The following THUMPD1 variants were observed in gnomAD, a reference collection of about 807,000 sequenced individuals.
THUMPD1 encodes THUMP domain 1 NAT10 acetyltransferase adaptor, also known as THUMP domain-containing protein 1.
Under a neutral mutation model 31.6 loss-of-function variants are expected in THUMPD1, and 31 were observed. The ratio of observed to expected loss-of-function variants is 0.98; its 90% CI spans 0.74 to 1.32. The LOEUF (loss-of-function observed/expected upper bound fraction) is 1.32. THUMPD1 is among the 40% of genes most tolerant of loss of function. The probability of loss-of-function intolerance (pLI) is 0.00; values close to 1 mark genes in which losing one functional copy is unlikely to be tolerated. For synonymous variants in THUMPD1, 166 were observed against 158.2 expected (o/e 1.05, Z -0.37); for missense variants, 446 against 427.8 (o/e 1.04, Z -0.38).
At position 20,736,540 on chromosome 16, in the gene THUMPD1, G is replaced by C; in HGVS notation, c.*340C>G. ...GTGGCATGTAAAAACTCCTTCCTTA[G>C]AATGAAAACTTCCCTCTGATTTTCT... On this transcript the variant is annotated 3_prime_UTR_variant, in exon 4 of 4. Coordinates refer to ENST00000396083, the MANE Select transcript of THUMPD1 (RefSeq NM_017736.5). 4.5e-6 allele frequency: 1 copy of C among 223,702 alleles called. No homozygotes were observed. The highest frequency in any genetic ancestry group is 8.8e-6 in the Non-Finnish European group (1 of 113,186). The allele number at this position is 223,702 out of a possible 1,614,324, so 13.9% of individuals were successfully genotyped here.
At chr16:20,741,449 C>T (rs951771419) in intron 1 of THUMPD1, 60 bp downstream of exon 1, 5 of 1,472,646 alleles carry the variant, frequency 3.4e-6, no homozygotes, top group Non-Finnish European at 9.0e-7. Context: ...CATCCCTCCA[C>T]CCTTCCCTCC....
chr16:20,737,042 T>A lies in THUMPD1; in HGVS notation c.900A>T (p.Thr300=). The stretch of plus-strand genomic sequence containing the variant: ...CCTGCTGGTTATTTTTTCCTTCTGC[T>A]GTGTTGTTTTGGTCTGATTTGTCCG... ...ESADKSDQNN[T]AEGKNNQQVP... Residue 300 remains threonine, a synonymous_variant, in exon 4 of 4, where the codon ACA becomes ACT. Coordinates refer to ENST00000396083, the MANE Select transcript of THUMPD1 (RefSeq NM_017736.5). 2 of 1,614,236 alleles carry A rather than the reference T, an allele frequency of 1.2e-6. No homozygotes were observed. The highest frequency in any genetic ancestry group is 1.7e-6 in the Non-Finnish European group (2 of 1,180,036).
Position 20,737,757 on chromosome 16 carries a change from A to T in THUMPD1, c.606T>A (p.Ser202=). Residue 202 remains serine, a synonymous_variant, in exon 3 of 4, where the codon TCT becomes TCA. Coordinates refer to ENST00000396083, the MANE Select transcript of THUMPD1 (RefSeq NM_017736.5). ...CTCTATTCACATGACTGTTATTTCG[A>T]GATTTGTACACAATCTGAAATGTCC... ...NKGTFQIVYK[S]RNNSHVNREE... 1 of 1,613,682 alleles carries T rather than the reference A, an allele frequency of 6.2e-7. No homozygotes were observed. The highest frequency in any genetic ancestry group is 1.7e-5 in the Admixed American group (1 of 59,978).
intron 1 of THUMPD1, among the ~76,000 whole-genome samples, chr16:20,740,580 T>TA (rs1376445458): frequency 6.6e-6 from 1 of 152,214 alleles, no homozygotes. Flanking sequence ...TAGCCAGTCT[T>TA]AAAGTATTCT....
intron 1 of THUMPD1, among the ~76,000 whole-genome samples, chr16:20,740,791 G>C (rs1418346944): frequency 6.6e-6 from 1 of 152,186 alleles, no homozygotes; most frequent in Non-Finnish European, 1.5e-5. Context: ...ATTGGTAAAA[G>C]TTTTTACGTT....
Position 20,736,433 on chromosome 16 carries a change from T to G in THUMPD1, c.*447A>C, listed in dbSNP as rs965607364. The G allele has an allele frequency of 2.0e-5, 3 of 149,254 alleles. No individual in the cohort carries two copies. Among genetic ancestry groups the G allele is most frequent in the African/African-American group, 7.5e-5 (3 of 40,090 alleles). The allele number at this position is 149,254 out of a possible 1,614,324, so 9.2% of individuals were successfully genotyped here. A position where few individuals can be genotyped will look rare whatever the true frequency, so the allele number is the denominator to read the frequency against. On this transcript the variant is annotated 3_prime_UTR_variant, in exon 4 of 4. Transcript: ENST00000396083. Reference sequence around the variant, plus strand: ...AAGAAAATCACAAAAGTACAAAAACTTCACTAAACAATTCACTTCTAACCT... The same window carrying G: ...AAGAAAATCACAAAAGTACAAAAACGTCACTAAACAATTCACTTCTAACCT...
chr16:20,735,563 T>C lies in THUMPD1; in HGVS notation c.*1317A>G, dbSNP rs2079862012. On this transcript the variant is annotated 3_prime_UTR_variant, in exon 4 of 4. Transcript: ENST00000396083. ...TTTTTTAATAACGCAAAATGACTTA[T>C]GGAGACAACCACTGATGGGGCACCA... is the stretch of plus-strand genomic sequence containing the variant. 1 of 151,964 alleles carries C rather than the reference T, an allele frequency of 6.6e-6. No homozygotes were observed. Among genetic ancestry groups the C allele is most frequent in the Non-Finnish European group, 1.5e-5 (1 of 67,982 alleles). 9.4% of individuals were successfully genotyped at this position (151,964 alleles called of 1,614,324 possible).
Position 20,737,767 on chromosome 16 carries a change from A to G in THUMPD1, c.596T>C (p.Val199Ala). Reference sequence around the variant, plus strand: ...ATGACTGTTATTTCGAGATTTGTACACAATCTGAAATGTCCCTTTGTTTGG... The same window carrying G: ...ATGACTGTTATTTCGAGATTTGTACGCAATCTGAAATGTCCCTTTGTTTGG... ...KAPNKGTFQI[V>A]YKSRNNSHVN... The change falls in exon 3 of 4, where the codon GTG becomes GCG. Residue 199 changes from valine (V) to alanine (A), a missense_variant. Val to Ala is a moderately conservative substitution (Grantham distance 64). Coordinates refer to ENST00000396083, the MANE Select transcript of THUMPD1 (RefSeq NM_017736.5). 3 of 1,613,910 alleles carry G rather than the reference A, an allele frequency of 1.9e-6. No homozygotes were observed. In the South Asian group the frequency reaches 3.3e-5, roughly 18 times the overall value.
rs775788763 is a variant in THUMPD1 at position 20,741,503 on chromosome 16, C to A, written c.231+6G>T. 1.4e-6 allele frequency: 2 copies of A among 1,459,302 alleles called. No individual in the cohort carries two copies. The highest frequency in any genetic ancestry group is 2.7e-5 in the East Asian group (1 of 37,056). The allele number at this position is 1,459,302 out of a possible 1,614,324, so 90.4% of individuals were successfully genotyped here. ...CCGGCCCGCCCGCCCACCCCGGGAC[C>A]GGTACCTTTTCTGGCCCATACATGT... On this transcript the variant is annotated splice_donor_region_variant and intron_variant, in intron 1 of 3. Coordinates refer to ENST00000396083, the MANE Select transcript of THUMPD1 (RefSeq NM_017736.5).
intron 1 of THUMPD1, among the ~76,000 whole-genome samples, 190 bp from the exon 2 acceptor site, chr16:20,739,261 C>T (rs546592741): frequency 2.0e-5 from 3 of 151,982 alleles, no homozygotes; most frequent in East Asian, 2.0e-4. Context: ...CTGCAACCTC[C>T]GCCTCCTGGG....
In THUMPD1 at chr16:20,734,935, G is replaced by A. The variant is rs2152413753; in HGVS notation, c.*1945C>T. 1 of 152,282 alleles carries A rather than the reference G, an allele frequency of 6.6e-6. No homozygotes were observed. Among genetic ancestry groups the A allele is most frequent in the African/African-American group, 2.4e-5 (1 of 41,554 alleles). 9.4% of individuals were successfully genotyped at this position (152,282 alleles called of 1,614,324 possible). On this transcript the variant is annotated 3_prime_UTR_variant, in exon 4 of 4. Coordinates refer to ENST00000396083, the MANE Select transcript of THUMPD1 (RefSeq NM_017736.5). ...CCTCATAGGTTATATACTAGTGCTG[G>A]GAAAAGGAGAGAAAATGCTATTTCA...
intron 1 of THUMPD1, among the ~76,000 whole-genome samples, chr16:20,740,072 T>C (rs2079903955): frequency 6.6e-6 from 1 of 152,072 alleles, no homozygotes; most frequent in African/African-American, 2.4e-5. Flanking sequence ...CTTGTTCTAT[T>C]AAGGAACAAG....
chr16:20,741,719 C>T lies in THUMPD1; in HGVS notation c.21G>A (p.Gln7=). 1.3e-6 allele frequency: 2 copies of T among 1,575,820 alleles called. No homozygotes were observed. The highest frequency in any genetic ancestry group is 1.7e-6 in the Non-Finnish European group (2 of 1,160,442). Reference sequence around the variant, plus strand: ...GCTTCCCGCCGCCAGGCTGAGTAGTCTGCTGGGCAGGGGCCGCCATGGTGT... The same window carrying T: ...GCTTCCCGCCGCCAGGCTGAGTAGTTTGCTGGGCAGGGGCCGCCATGGTGT... MAAPAQ[Q]TTQPGGGKRK... Residue 7 remains glutamine (Q), a synonymous_variant, in exon 1 of 4, where the codon CAG becomes CAA. Transcript: ENST00000396083.
At chr16:20,738,698 T>A in intron 2 of THUMPD1, 199 bp downstream of exon 2, 1 of 589,394 alleles carries the variant, frequency 1.7e-6, no homozygotes. Flanking sequence ...CAAAGCCAGG[T>A]TTCCACTCAT....
chr16:20,741,708 G>T lies in THUMPD1; in HGVS notation c.32C>A (p.Pro11His). ...CTTGCCTTTGCGCTTCCCGCCGCCA[G>T]GCTGAGTAGTCTGCTGGGCAGGGGC... MAAPAQQTTQ[P>H]GGGKRKGKAQ... The change falls in exon 1 of 4, where the codon CCT becomes CAT. Residue 11 changes from proline to histidine, a missense_variant. By Grantham distance (77) the Pro-to-His change is moderately conservative. Coordinates refer to ENST00000396083, the MANE Select transcript of THUMPD1 (RefSeq NM_017736.5). The T allele has an allele frequency of 6.3e-7, 1 of 1,577,994 alleles. No individual in the cohort carries two copies. Among genetic ancestry groups the T allele is most frequent in the East Asian group, 2.3e-5 (1 of 43,264 alleles).
chr16:20,734,162 G>A lies in THUMPD1; in HGVS notation c.*2718C>T, dbSNP rs1326034311. The A allele has an allele frequency of 6.6e-6, 1 of 152,488 alleles. No homozygotes were observed. Among genetic ancestry groups the A allele is most frequent in the Non-Finnish European group, 1.5e-5 (1 of 67,996 alleles). 9.4% of individuals were successfully genotyped at this position (152,488 alleles called of 1,614,324 possible). ...CAAACTGTATAATCAAAATCTTTCC[G>A]TAAAATAGCAGCTTTCACAAAGTAA... On this transcript the variant is annotated 3_prime_UTR_variant, in exon 4 of 4. Coordinates refer to ENST00000396083, the MANE Select transcript of THUMPD1 (RefSeq NM_017736.5).
chr16:20,737,147 C>T lies in THUMPD1; in HGVS notation c.795G>A (p.Gln265=), dbSNP rs2079877334. 2 of 1,614,086 alleles carry T rather than the reference C, an allele frequency of 1.2e-6. No individual in the cohort carries two copies. Among genetic ancestry groups the T allele is most frequent in the Non-Finnish European group, 1.7e-6 (2 of 1,180,040 alleles). ...DYMLFRKYNL[Q]EVVKSPKDPS... Reference sequence around the variant, plus strand: ...GATCCTTAGGGCTCTTCACCACCTCCTGGAGATTGTATTTTCTAAACAACA... The same window carrying T: ...GATCCTTAGGGCTCTTCACCACCTCTTGGAGATTGTATTTTCTAAACAACA... Residue 265 remains glutamine (Q), a synonymous_variant, in exon 4 of 4, where the codon CAG becomes CAA. Transcript: ENST00000396083.
In THUMPD1 at chr16:20,736,060, C is replaced by A. The variant is rs2079866284; in HGVS notation, c.*820G>T. On this transcript the variant is annotated 3_prime_UTR_variant, in exon 4 of 4. Transcript: ENST00000396083. ...CATTTGAAAATAATGAATATCCTTT[C>A]TTGTCAAGTGGCTGTGATTTATTGT... 1.3e-5 allele frequency: 2 copies of A among 152,294 alleles called. No homozygotes were observed. The highest frequency in any genetic ancestry group is 4.1e-4 in the South Asian group (2 of 4,824). 9.4% of individuals were successfully genotyped at this position (152,294 alleles called of 1,614,324 possible). A position where few individuals can be genotyped will look rare whatever the true frequency, so the allele number is the denominator to read the frequency against.
chr16:20,737,681 T>C, intron 3 of THUMPD1, 27 bp downstream of exon 3: 2 of 1,582,722 alleles, frequency 1.3e-6, no homozygotes, highest in Non-Finnish European at 8.6e-7. Context: ...ATTGAATGCC[T>C]ATGGAAAATC....
Sources: gnomAD v4.1 joint callset for allele counts (sites outside exome capture counted in the v4.1 genomes callset) on GRCh38, gnomAD v4.1.1 for gene constraint, MANE v1.5 for transcripts, NCBI Gene and HGNC (gene_info 2026-07-23, HGNC 2026-07-21) for gene names.